The following RIMS2 variants were observed in gnomAD, a reference collection of about 807,000 sequenced individuals.
RIMS2 encodes regulating synaptic membrane exocytosis protein 2.
In RIMS2, 59 loss-of-function variants were observed where a neutral mutation model predicts 174.4. That is an observed-to-expected ratio of 0.34 (90% CI 0.27 to 0.42). RIMS2 has a LOEUF of 0.42. Among genes scored for constraint, RIMS2 ranks in the 10% least tolerant of loss-of-function variants. The pLI is 1.00. For missense variants in RIMS2, 1,620 were observed against 1,666.3 expected (o/e 0.97, Z 0.48); for synonymous variants, 606 against 572.5 (o/e 1.06, Z -0.84).
At chr8:103,955,559 G>C (rs532108906) in intron 14 of RIMS2, among the ~76,000 whole-genome samples, 1 of 152,210 alleles carries the variant, frequency 6.6e-6, no homozygotes, top group East Asian at 1.9e-4. Context: ...ACCCCTTCAT[G>C]CTAAAAAGTC....
intron 1 of RIMS2, among the ~76,000 whole-genome samples, chr8:103,551,183 C>T (rs777045914): frequency 5.3e-5 from 8 of 152,052 alleles, no homozygotes; most frequent in Non-Finnish European, 8.8e-5. Context: ...TCATGAACAT[C>T]GATGCAAAAA....
chr8:104,027,976 G>A (rs2096291378), intron 19 of RIMS2, among the ~76,000 whole-genome samples: 1 of 152,026 alleles, frequency 6.6e-6, no homozygotes, highest in African/African-American at 2.4e-5. Flanking sequence ...TGTCACTCAG[G>A]CTGGAGTGGA....
chr8:103,601,803 G>C (rs2133780830), intron 1 of RIMS2, among the ~76,000 whole-genome samples: 1 of 151,574 alleles, frequency 6.6e-6, no homozygotes, highest in East Asian at 1.9e-4. Context: ...TATTTTTTAT[G>C]TATCTGTTCT....
intron 1 of RIMS2, among the ~76,000 whole-genome samples, chr8:103,610,915 T>C (rs2095346870): frequency 6.6e-6 from 1 of 152,216 alleles, no homozygotes; most frequent in African/African-American, 2.4e-5. Context: ...CTCTTTTCTA[T>C]ACATCTGGTA....
intron 1 of RIMS2, among the ~76,000 whole-genome samples, chr8:103,540,666 A>G (rs764589716): frequency 2.0e-5 from 3 of 152,222 alleles, no homozygotes; most frequent in Non-Finnish European, 4.4e-5. Flanking sequence ...CTAATGCCAA[A>G]TAAATGGAGC....
chr8:103,710,003 T>C (rs1487931962), intron 2 of RIMS2, among the ~76,000 whole-genome samples: 1 of 152,194 alleles, frequency 6.6e-6, no homozygotes, highest in Non-Finnish European at 1.5e-5. Flanking sequence ...AAGAGACTTG[T>C]CATGTATAAA....
At chr8:103,865,276 GT>G (rs141988304) in intron 3 of RIMS2, among the ~76,000 whole-genome samples, 4 of 130,388 alleles carry the variant, frequency 3.1e-5, no homozygotes, top group African/African-American at 8.6e-5. Context: ...TTCAATGTCA[GT>G]TTTTTTCTTT....
At chr8:104,188,435 T>G (rs75293332) in intron 19 of RIMS2, among the ~76,000 whole-genome samples, 5,092 of 151,766 alleles carry the variant, frequency 0.034, 192 homozygotes, top group East Asian at 0.14. Flanking sequence ...AAAAAGAGTA[T>G]AATAAACATA....
At chr8:103,561,638 C>T (rs1028773465) in intron 1 of RIMS2, among the ~76,000 whole-genome samples, 1 of 152,130 alleles carries the variant, frequency 6.6e-6, no homozygotes, top group Non-Finnish European at 1.5e-5. Flanking sequence ...AAGTGTGTTC[C>T]TATTATATCT....
At chr8:103,526,061 G>T (rs1283552770) in intron 1 of RIMS2, among the ~76,000 whole-genome samples, 3 of 152,216 alleles carry the variant, frequency 2.0e-5, no homozygotes, top group Non-Finnish European at 4.4e-5. Context: ...TGGCCAAGAG[G>T]CTGAGAAGCT....
At chr8:104,164,505 A>G (rs1586286132) in intron 19 of RIMS2, among the ~76,000 whole-genome samples, 2 of 152,314 alleles carry the variant, frequency 1.3e-5, no homozygotes, top group African/African-American at 4.8e-5. Flanking sequence ...ACAATGAAAG[A>G]TATGCCATTT....
At chr8:104,084,547 A>C (rs969470355) in intron 19 of RIMS2, among the ~76,000 whole-genome samples, 6 of 151,616 alleles carry the variant, frequency 4.0e-5, no homozygotes, top group Admixed American at 1.3e-4. Context: ...CCAATCTAGC[A>C]TCAAAGGACA....
chr8:104,048,306 C>G (rs1255410486), intron 19 of RIMS2, among the ~76,000 whole-genome samples: 8 of 152,052 alleles, frequency 5.3e-5, no homozygotes, highest in Non-Finnish European at 1.0e-4. Context: ...ACAAGAAATG[C>G]AGTGGTAAGT....
chr8:103,930,361 A>T (rs1347793768), intron 11 of RIMS2, among the ~76,000 whole-genome samples: 1 of 152,042 alleles, frequency 6.6e-6, no homozygotes, highest in East Asian at 1.9e-4. Context: ...TTTAACTGTT[A>T]TTCTCAAGTT....
chr8:103,568,053 AG>A (rs1486748386), intron 1 of RIMS2, among the ~76,000 whole-genome samples: 2 of 152,174 alleles, frequency 1.3e-5, no homozygotes, highest in East Asian at 3.9e-4. Flanking sequence ...GGATTGCTTG[AG>A]CCCAGGAGTT....
intron 2 of RIMS2, among the ~76,000 whole-genome samples, chr8:103,742,354 A>G (rs1003874150): frequency 6.6e-6 from 1 of 152,072 alleles, no homozygotes; most frequent in Non-Finnish European, 1.5e-5. Flanking sequence ...CAAATATGTT[A>G]TTTTTGTTAT....
chr8:104,066,349 C>G (rs1246514667), intron 19 of RIMS2, among the ~76,000 whole-genome samples: 1 of 151,764 alleles, frequency 6.6e-6, no homozygotes, highest in Non-Finnish European at 1.5e-5. Context: ...AATGTATATA[C>G]CTGTTTCTAC....
chr8:103,538,522 A>C (rs1279763295), intron 1 of RIMS2, among the ~76,000 whole-genome samples: 5 of 137,414 alleles, frequency 3.6e-5, no homozygotes, highest in African/African-American at 1.3e-4. Context: ...CCATTGTATC[A>C]TTCTTTTTTT....
At chr8:103,517,655 G>A (rs1416801302) in intron 1 of RIMS2, among the ~76,000 whole-genome samples, 1 of 152,156 alleles carries the variant, frequency 6.6e-6, no homozygotes, top group East Asian at 1.9e-4. Context: ...TCCTTGGAAG[G>A]CATGTACTGC....
Sources: gnomAD v4.1 joint callset for allele counts (sites outside exome capture counted in the v4.1 genomes callset) on GRCh38, gnomAD v4.1.1 for gene constraint, MANE v1.5 for transcripts, NCBI Gene and HGNC (gene_info 2026-07-23, HGNC 2026-07-21) for gene names.